SPNS2: variants seen among roughly 807,000 people sequenced by gnomAD.
SPNS2 encodes the protein sphingosine-1-phosphate transporter SPNS2.
SPNS2 carries 37 observed loss-of-function variants against 57.6 expected under a neutral mutation model. The observed-to-expected ratio is 0.64, with a 90% CI of 0.49 to 0.85. SPNS2 has a LOEUF of 0.85. Ranked by LOEUF, SPNS2 falls within the 40% of genes least tolerant of loss-of-function variation. SPNS2 has a pLI of 0.00. For synonymous variants in SPNS2, 440 were observed against 346.9 expected, an observed-to-expected ratio of 1.27 and a Z score of -2.98; for missense variants, 831 against 779.1, an observed-to-expected ratio of 1.07 and a Z score of -0.79.
At chr17:4,505,415 C>G (rs113462370) in intron 1 of SPNS2, among the ~76,000 whole-genome samples, 1,637 of 152,290 alleles carry the variant, frequency 0.011, 25 homozygotes, top group African/African-American at 0.036. Flanking sequence ...TCTCTTTGTT[C>G]TGACCAGGGC....
chr17:4,532,495 A>AC (rs749329547), intron 5 of SPNS2, 47 bp from the exon 6 acceptor site: 2 of 1,613,746 alleles, frequency 1.2e-6, no homozygotes, highest in East Asian at 4.5e-5. Context: ...TGCAGCAGGG[A>AC]CGAGGCTCAC....
chr17:4,532,962 C>A lies in SPNS2; in HGVS notation c.936-15C>A. The A allele has an allele frequency of 1.2e-6, 2 of 1,605,604 alleles. No individual in the cohort carries two copies. The highest frequency in any genetic ancestry group is 2.2e-5 in the South Asian group (2 of 89,836). ...AGGTCCCTGAGCTCAGTGTCACTGC[C>A]TGGCCTCTCCCCAGCCGCAGCTACG... On this transcript the variant is annotated splice_polypyrimidine_tract_variant and intron_variant, in intron 6 of 12. Coordinates refer to ENST00000329078, the MANE Select transcript of SPNS2 (RefSeq NM_001124758.3).
chr17:4,532,156 G>A (rs1236831246), intron 5 of SPNS2, among the ~76,000 whole-genome samples: 7 of 149,772 alleles, frequency 4.7e-5, no homozygotes, highest in African/African-American at 7.6e-5. Context: ...CTGTCCATCC[G>A]TCTGTCCATC....
In SPNS2 at chr17:4,507,880, G is replaced by A. The variant is rs1904723204; in HGVS notation, c.371-5367G>A. Among the ~76,000 whole-genome samples the A allele has an allele frequency of 5.9e-5, 9 of 152,224 alleles. No homozygotes were observed. The South Asian group carries it at 1.9e-3, about 32-fold the overall frequency. ...GCTGGCCTGAGCCGAGGGCTCTTGAGGTCAGTGTGGATTTCCTCTTACACC... is the reference window on the plus strand; with the variant it reads ...GCTGGCCTGAGCCGAGGGCTCTTGAAGTCAGTGTGGATTTCCTCTTACACC... On this transcript the variant is annotated intron_variant, in intron 1 of 12. Transcript: ENST00000329078.
chr17:4,505,198 C>A (rs1475552385), intron 1 of SPNS2, among the ~76,000 whole-genome samples: 1 of 152,138 alleles, frequency 6.6e-6, no homozygotes, highest in Non-Finnish European at 1.5e-5. Flanking sequence ...ACACCTGGGA[C>A]CCCCGCATGC....
chr17:4,528,226 T>G (rs1905317802), intron 3 of SPNS2, among the ~76,000 whole-genome samples: 1 of 152,038 alleles, frequency 6.6e-6, no homozygotes, highest in Non-Finnish European at 1.5e-5. Flanking sequence ...TTTCACCATG[T>G]TGACAAGGCT....
chr17:4,525,004 G>A (rs1905227730), intron 2 of SPNS2, 53 bp from the exon 3 acceptor site: 5 of 1,594,516 alleles, frequency 3.1e-6, no homozygotes, highest in Non-Finnish European at 4.3e-6. Context: ...AATGGGCCGG[G>A]AGGCCGGGGC....
At chr17:4,535,361 C>T (rs766454980) in intron 9 of SPNS2, among the ~76,000 whole-genome samples, 6 of 152,268 alleles carry the variant, frequency 3.9e-5, no homozygotes, top group African/African-American at 7.2e-5. Flanking sequence ...CCAGGCCAGT[C>T]GAGGCCTGGC....
intron 11 of SPNS2, 24 bp downstream of exon 11, chr17:4,536,450 C>G: frequency 2.5e-6 from 4 of 1,582,286 alleles, no homozygotes; most frequent in Non-Finnish European, 3.4e-6. Flanking sequence ...AGGGGAGGCC[C>G]TGCTGCACCG....
intron 2 of SPNS2, among the ~76,000 whole-genome samples, chr17:4,514,906 C>T (rs552858415): frequency 1.0e-3 from 153 of 152,336 alleles, no homozygotes; most frequent in Middle Eastern, 3.4e-3. Context: ...CTGTGTGGCC[C>T]CTGACTCACT....
Position 4,538,833 on chromosome 17 carries a change from C to A in SPNS2, c.*1385C>A. 2.6e-6 allele frequency: 2 copies of A among 777,350 alleles called. No homozygotes were observed. The highest frequency in any genetic ancestry group is 4.8e-6 in the Non-Finnish European group (2 of 416,604). 48.2% of individuals were successfully genotyped at this position (777,350 alleles called of 1,614,324 possible). ...GGGGTGGCATCCTCCAAAGACCAGC[C>A]TCCACCCCCACTCCAGCCTCAGCGG... On this transcript the variant is annotated 3_prime_UTR_variant, in exon 13 of 13. Transcript: ENST00000329078.
intron 5 of SPNS2, among the ~76,000 whole-genome samples, chr17:4,532,241 A>G (rs939026225): frequency 3.4e-4 from 52 of 151,690 alleles, no homozygotes; most frequent in Non-Finnish European, 1.8e-4. Flanking sequence ...TCTCTTCTCT[A>G]TCTATCCACC....
chr17:4,538,023 G>C lies in SPNS2; in HGVS notation c.*575G>C. On this transcript the variant is annotated 3_prime_UTR_variant, in exon 13 of 13. Coordinates refer to ENST00000329078, the MANE Select transcript of SPNS2 (RefSeq NM_001124758.3). Reference sequence around the variant, plus strand: ...GGATATTGGACGCAACCTGGCAAATGAAGCTGGGCGCCCAAGTCTCTGGGT... The same window carrying C: ...GGATATTGGACGCAACCTGGCAAATCAAGCTGGGCGCCCAAGTCTCTGGGT... 1.4e-5 allele frequency: 5 copies of C among 351,210 alleles called. No individual in the cohort carries two copies. The highest frequency in any genetic ancestry group is 1.1e-4 in the South Asian group (5 of 46,548). 21.8% of individuals were successfully genotyped at this position (351,210 alleles called of 1,614,324 possible).
At chr17:4,535,071 C>G (rs940002969) in intron 9 of SPNS2, among the ~76,000 whole-genome samples, 1 of 138,540 alleles carries the variant, frequency 7.2e-6, no homozygotes, top group Non-Finnish European at 1.6e-5. Context: ...GCACACAATG[C>G]CCACTAAGGC....
intron 2 of SPNS2, among the ~76,000 whole-genome samples, chr17:4,516,275 T>C (rs999023262): frequency 2.1e-4 from 30 of 140,038 alleles, no homozygotes; most frequent in Non-Finnish European, 3.0e-4. Context: ...GATTGCGCCA[T>C]TGCACTCCAG....
At chr17:4,533,922 G>C (rs1905626762) in intron 9 of SPNS2, 69 bp downstream of exon 9, 2 of 1,369,056 alleles carry the variant, frequency 1.5e-6, no homozygotes, top group South Asian at 1.2e-5. Flanking sequence ...GGGGTGCCTG[G>C]GGAGGGCGGG....
intron 2 of SPNS2, among the ~76,000 whole-genome samples, chr17:4,516,326 A>C (rs1470248168): frequency 0.018 from 2,059 of 117,014 alleles, 120 homozygotes; most frequent in African/African-American, 0.063. Flanking sequence ...CAAAAAAAAA[A>C]AAAAAAAAAA....
At chr17:4,535,493 G>A (rs549583226) in intron 9 of SPNS2, among the ~76,000 whole-genome samples, 3 of 152,170 alleles carry the variant, frequency 2.0e-5, no homozygotes, top group African/African-American at 4.8e-5. Flanking sequence ...CAGTGTCCCC[G>A]TGACCCAGGT....
chr17:4,504,425 T>C (rs890697924), intron 1 of SPNS2, among the ~76,000 whole-genome samples: 3 of 151,864 alleles, frequency 2.0e-5, no homozygotes, highest in Non-Finnish European at 4.4e-5. Flanking sequence ...TCAGAGGAAG[T>C]GCTTTGAAAC....
Sources: allele counts gnomAD v4.1 joint callset (sites outside exome capture counted in the v4.1 genomes callset), GRCh38; gene constraint gnomAD v4.1.1; transcripts MANE v1.5; gene names NCBI Gene and HGNC (gene_info 2026-07-23, HGNC 2026-07-21).